The following CSMD3 variants were observed in gnomAD, a reference collection of about 807,000 sequenced individuals.
The protein encoded by CSMD3 is CUB and sushi domain-containing protein 3.
Under a neutral mutation model 435.2 loss-of-function variants are expected in CSMD3, and 177 were observed. The ratio of observed to expected loss-of-function variants is 0.41; its 90% CI spans 0.36 to 0.46. The LOEUF (loss-of-function observed/expected upper bound fraction) is 0.46. CSMD3 is among the 20% of genes least tolerant of loss of function. The pLI, the probability that CSMD3 is intolerant of heterozygous loss-of-function variation, is 0.34. For missense variants in CSMD3, 4,265 were observed against 4,504.6 expected, an observed-to-expected ratio of 0.95 and a Z score of 1.52; for synonymous variants, 1,656 against 1,520.5, an observed-to-expected ratio of 1.09 and a Z score of -2.07.
chr8:112,515,169 G>A (rs1055718090), intron 28 of CSMD3, among the ~76,000 whole-genome samples: 2 of 151,846 alleles, frequency 1.3e-5, no homozygotes, highest in African/African-American at 4.8e-5. Flanking sequence ...GTGTTATCTA[G>A]AATTTTTGTA....
intron 4 of CSMD3, among the ~76,000 whole-genome samples, chr8:113,161,591 A>G (rs921767984): frequency 3.3e-5 from 5 of 152,084 alleles, no homozygotes; most frequent in African/African-American, 1.2e-4. Context: ...CAAAATGGAG[A>G]ACAAACCTAT....
chr8:113,106,545 A>C (rs2090483169), intron 4 of CSMD3, among the ~76,000 whole-genome samples: 1 of 152,218 alleles, frequency 6.6e-6, no homozygotes, highest in Admixed American at 6.5e-5. Flanking sequence ...AAGCATGGAA[A>C]ACTATGGAAA....
chr8:112,383,038 A>G (rs1829620695), intron 37 of CSMD3, among the ~76,000 whole-genome samples: 2 of 152,112 alleles, frequency 1.3e-5, no homozygotes, highest in Admixed American at 1.3e-4. Context: ...AAACAAGTCA[A>G]CATCTTACAT....
intron 4 of CSMD3, among the ~76,000 whole-genome samples, chr8:113,132,110 G>C (rs1026017562): frequency 6.6e-6 from 1 of 152,082 alleles, no homozygotes; most frequent in African/African-American, 2.4e-5. Context: ...CCCAATGCCT[G>C]TACCTCCATT....
At chr8:112,609,941 A>G (rs1833127385) in intron 22 of CSMD3, among the ~76,000 whole-genome samples, 1 of 152,132 alleles carries the variant, frequency 6.6e-6, no homozygotes, top group Non-Finnish European at 1.5e-5. Context: ...ATGCTCCATG[A>G]TCTCATGTAC....
chr8:112,834,028 T>C (rs2079953190), intron 11 of CSMD3, among the ~76,000 whole-genome samples: 1 of 152,014 alleles, frequency 6.6e-6, no homozygotes. Context: ...GCCAAACTCT[T>C]GATATCCATT....
intron 63 of CSMD3, 150 bp from the exon 64 acceptor site, chr8:112,247,281 T>C: frequency 1.6e-6 from 1 of 644,516 alleles, no homozygotes; most frequent in Non-Finnish European, 2.7e-6. Context: ...TAAAATAAAA[T>C]GGGAAAAATT....
chr8:112,253,343 T>C (rs1815459103), intron 63 of CSMD3, among the ~76,000 whole-genome samples: 1 of 151,992 alleles, frequency 6.6e-6, no homozygotes, highest in Admixed American at 6.6e-5. Context: ...TTTTGTATTA[T>C]CTGGAACAGG....
intron 63 of CSMD3, among the ~76,000 whole-genome samples, chr8:112,248,958 A>G (rs956640713): frequency 2.6e-5 from 4 of 152,096 alleles, no homozygotes; most frequent in Non-Finnish European, 5.9e-5. Context: ...TTAAAACCAG[A>G]GTCCCCTGAC....
Position 113,368,525 on chromosome 8 carries a change from T to C in CSMD3, c.179-53732A>G, listed in dbSNP as rs546905320. Among the ~76,000 whole-genome samples the C allele has an allele frequency of 4.6e-5, 7 of 152,294 alleles. No individual in the cohort carries two copies. The East Asian group carries it at 9.6e-4, about 21-fold the overall frequency. ...AGAGGAATATGGATAAATATGTTTC[T>C]TTATATAAAGATGTTAATGTGTTAC... On this transcript the variant is annotated intron_variant, in intron 1 of 70. Coordinates refer to ENST00000297405, the MANE Select transcript of CSMD3 (RefSeq NM_198123.2).
chr8:112,962,215 G>A (rs1015965924), intron 7 of CSMD3, among the ~76,000 whole-genome samples: 3 of 149,090 alleles, frequency 2.0e-5, no homozygotes, highest in African/African-American at 7.4e-5. Flanking sequence ...CTTTTCTTTT[G>A]TTTTGTTTCT....
chr8:112,608,195 G>A (rs1202869963), intron 22 of CSMD3, among the ~76,000 whole-genome samples: 1 of 151,852 alleles, frequency 6.6e-6, no homozygotes, highest in Non-Finnish European at 1.5e-5. Context: ...AGAAAGCAAT[G>A]CCATGTATAA....
chr8:112,419,571 AC>A (rs1292108236), intron 32 of CSMD3, among the ~76,000 whole-genome samples: 1 of 152,126 alleles, frequency 6.6e-6, no homozygotes, highest in Non-Finnish European at 1.5e-5. Flanking sequence ...TTTGTGTGAT[AC>A]TTTTGTCAAC....
At chr8:112,444,000 T>G (rs1377754543) in intron 32 of CSMD3, among the ~76,000 whole-genome samples, 2 of 152,228 alleles carry the variant, frequency 1.3e-5, no homozygotes, top group Admixed American at 6.5e-5. Context: ...AGAGTTTCAG[T>G]AATTTTCTCA....
chr8:113,055,324 T>C (rs1050359964), intron 5 of CSMD3, among the ~76,000 whole-genome samples: 1 of 152,162 alleles, frequency 6.6e-6, no homozygotes, highest in African/African-American at 2.4e-5. Flanking sequence ...CCTTGAGAAG[T>C]ATTTCATAGG....
intron 1 of CSMD3, among the ~76,000 whole-genome samples, chr8:113,343,706 C>T (rs1189747557): frequency 1.3e-5 from 2 of 151,916 alleles, no homozygotes; most frequent in African/African-American, 2.4e-5. Context: ...AAAATATGTA[C>T]GTTACTAGAG....
intron 38 of CSMD3, among the ~76,000 whole-genome samples, chr8:112,359,788 A>C (rs939427402): frequency 7.9e-5 from 12 of 152,110 alleles, no homozygotes; most frequent in Admixed American, 2.0e-4. Context: ...CCCAATGCCC[A>C]GTGCCTTAAT....
intron 50 of CSMD3, among the ~76,000 whole-genome samples, chr8:112,309,898 C>T (rs1040313304): frequency 6.6e-6 from 1 of 152,074 alleles, no homozygotes; most frequent in Non-Finnish European, 1.5e-5. Flanking sequence ...ACCTATCTTA[C>T]ATTTTGTTTT....
intron 47 of CSMD3, among the ~76,000 whole-genome samples, chr8:112,316,869 G>T (rs984774215): frequency 6.6e-6 from 1 of 151,954 alleles, no homozygotes; most frequent in Admixed American, 6.6e-5. Context: ...TAGAGCTACA[G>T]AGCATCTAGA....
Sources: gnomAD v4.1 joint callset for allele counts (sites outside exome capture counted in the v4.1 genomes callset) on GRCh38, gnomAD v4.1.1 for gene constraint, MANE v1.5 for transcripts, NCBI Gene and HGNC (gene_info 2026-07-23, HGNC 2026-07-21) for gene names.